Variants in ADIPOR2 observed in about 807,000 individuals in gnomAD.
ADIPOR2 encodes the protein adiponectin receptor 2, also known as adiponectin receptor protein 2.
A neutral mutation model predicts 40.9 loss-of-function variants in ADIPOR2; 18 were observed. The observed-to-expected ratio is 0.44, with a 90% CI of 0.30 to 0.65. The LOEUF (loss-of-function observed/expected upper bound fraction) is 0.65, where lower values mean the gene tolerates loss of function less well. Among genes scored for constraint, ADIPOR2 ranks in the 30% least tolerant of loss-of-function variants. The pLI is 0.09. For missense variants in ADIPOR2, 283 were observed against 479.2 expected, an observed-to-expected ratio of 0.59 and a Z score of 3.82; for synonymous variants, 165 against 166.4, an observed-to-expected ratio of 0.99 and a Z score of 0.06.
At chr12:1,704,104 A>C (rs1714451633) in intron 1 of ADIPOR2, among the ~76,000 whole-genome samples, 1 of 129,230 alleles carries the variant, frequency 7.7e-6, no homozygotes, top group South Asian at 2.6e-4. Context: ...CAGGGATCAA[A>C]TTTAATTTTA....
At chr12:1,760,152 A>G (rs890983660) in intron 2 of ADIPOR2, among the ~76,000 whole-genome samples, 3 of 152,174 alleles carry the variant, frequency 2.0e-5, no homozygotes, top group Admixed American at 2.0e-4. Context: ...TTTATTTTAA[A>G]TAAGTATTTT....
chr12:1,706,213 C>A (rs560813529), intron 1 of ADIPOR2, among the ~76,000 whole-genome samples: 11 of 152,026 alleles, frequency 7.2e-5, no homozygotes, highest in Non-Finnish European at 1.6e-4. Context: ...TACCCTCAGT[C>A]TTCTCATTGG....
At chr12:1,761,095 C>A (rs1308947482) in intron 2 of ADIPOR2, 1 of 152,224 alleles carries the variant, frequency 6.6e-6, no homozygotes, top group Non-Finnish European at 1.5e-5. Context: ...TAATCTCTTA[C>A]TGTACCTAAT....
intron 2 of ADIPOR2, among the ~76,000 whole-genome samples, chr12:1,767,267 G>A (rs1324658285): frequency 4.9e-5 from 3 of 61,102 alleles, no homozygotes; most frequent in Admixed American, 2.8e-4. Flanking sequence ...GCAAGACTTC[G>A]TCAAAAAAAA....
chr12:1,764,497 T>C (rs1565653546), intron 2 of ADIPOR2, among the ~76,000 whole-genome samples: 2 of 152,112 alleles, frequency 1.3e-5, no homozygotes, highest in East Asian at 3.9e-4. Flanking sequence ...TCATTATTTT[T>C]CAAACTTCTG....
intron 2 of ADIPOR2, among the ~76,000 whole-genome samples, chr12:1,767,098 C>T (rs531720338): frequency 7.9e-5 from 12 of 151,628 alleles, no homozygotes; most frequent in African/African-American, 2.4e-4. Flanking sequence ...GGTGAAACCC[C>T]GTCTCTACTA....
intron 1 of ADIPOR2, among the ~76,000 whole-genome samples, chr12:1,750,883 A>G (rs1290350489): frequency 2.0e-5 from 3 of 152,090 alleles, no homozygotes; most frequent in Admixed American, 2.0e-4. Flanking sequence ...ATCTGCAAAT[A>G]GTTACAGTTT....
intron 2 of ADIPOR2, among the ~76,000 whole-genome samples, chr12:1,763,358 G>T (rs1376496581): frequency 6.6e-6 from 1 of 152,204 alleles, no homozygotes; most frequent in East Asian, 1.9e-4. Context: ...CCTAGAGGAG[G>T]TGGGTGTTTC....
At chr12:1,721,514 C>T (rs2094697934) in intron 1 of ADIPOR2, among the ~76,000 whole-genome samples, 1 of 152,074 alleles carries the variant, frequency 6.6e-6, no homozygotes, top group African/African-American at 2.4e-5. Context: ...CTGTGCCCAG[C>T]CTGCAAAATA....
chr12:1,700,823 A>T (rs942967583), intron 1 of ADIPOR2, among the ~76,000 whole-genome samples: 18 of 151,542 alleles, frequency 1.2e-4, no homozygotes, highest in Admixed American at 6.6e-4. Context: ...GTGAGGGCTA[A>T]GCATTAAGAT....
intron 3 of ADIPOR2, among the ~76,000 whole-genome samples, chr12:1,774,457 C>A (rs2154444232): frequency 6.6e-6 from 1 of 152,272 alleles, no homozygotes; most frequent in South Asian, 2.1e-4. Context: ...GTGGCTCAAC[C>A]CTGCCATGGC....
chr12:1,704,152 A>G (rs2154441496), intron 1 of ADIPOR2, among the ~76,000 whole-genome samples: 1 of 147,698 alleles, frequency 6.8e-6, no homozygotes, highest in East Asian at 2.0e-4. Flanking sequence ...CTGTTAACAG[A>G]GTGTTTTGAA....
In ADIPOR2 at chr12:1,748,551, G is replaced by A. The variant is rs117588500; in HGVS notation, c.-86-5707G>A. 1.0e-3 allele frequency among the ~76,000 whole-genome samples: 158 copies of A among 151,922 alleles called. 3 individuals are homozygous for A. The East Asian group carries it at 0.023, about 22-fold the overall frequency. ...GCGTGAGCCACCGTGCCTGGCCTGC[G>A]TTTTACATTTAAGTCTATGATCCAT... On this transcript the variant is annotated intron_variant, in intron 1 of 7. Coordinates refer to ENST00000357103, the MANE Select transcript of ADIPOR2 (RefSeq NM_024551.3).
intron 1 of ADIPOR2, among the ~76,000 whole-genome samples, chr12:1,710,613 T>C (rs928039623): frequency 6.6e-6 from 1 of 151,800 alleles, no homozygotes; most frequent in East Asian, 1.9e-4. Context: ...AACCCCCGAC[T>C]CTTCAGAGTT....
chr12:1,748,847 A>G (rs1238227000), intron 1 of ADIPOR2, among the ~76,000 whole-genome samples: 1 of 151,936 alleles, frequency 6.6e-6, no homozygotes, highest in African/African-American at 2.4e-5. Context: ...CCACACACCA[A>G]GCAGCAGACA....
chr12:1,712,926 G>T (rs1374959169), intron 1 of ADIPOR2, among the ~76,000 whole-genome samples: 1 of 152,090 alleles, frequency 6.6e-6, no homozygotes, highest in Non-Finnish European at 1.5e-5. Context: ...TAGATGCCTT[G>T]TACCCTTGAT....
At chr12:1,745,175 C>T (rs892585084) in intron 1 of ADIPOR2, among the ~76,000 whole-genome samples, 1 of 152,204 alleles carries the variant, frequency 6.6e-6, no homozygotes, top group Admixed American at 6.5e-5. Context: ...ATGACCTTCG[C>T]TCTTGATGGG....
At chr12:1,758,313 T>C (rs2154443683) in intron 2 of ADIPOR2, among the ~76,000 whole-genome samples, 1 of 152,340 alleles carries the variant, frequency 6.6e-6, no homozygotes, top group South Asian at 2.1e-4. Flanking sequence ...GTTAGCAGTA[T>C]GAACAAAAGA....
chr12:1,755,349 T>C (rs1211255810), intron 2 of ADIPOR2, among the ~76,000 whole-genome samples: 2 of 152,178 alleles, frequency 1.3e-5, no homozygotes, highest in African/African-American at 4.8e-5. Flanking sequence ...GTGCTGGGAT[T>C]ATAGACGTGA....
Sources: allele counts gnomAD v4.1 joint callset (sites outside exome capture counted in the v4.1 genomes callset), GRCh38; gene constraint gnomAD v4.1.1; transcripts MANE v1.5; gene names NCBI Gene and HGNC (gene_info 2026-07-23, HGNC 2026-07-21).